Variants in NIPSNAP2 observed in about 807,000 individuals in gnomAD.
NIPSNAP2 encodes nipsnap homolog 2.
In NIPSNAP2, 42 loss-of-function variants were observed where a neutral mutation model predicts 48.4. That is an observed-to-expected ratio of 0.87 (90% CI 0.68 to 1.12). The LOEUF (loss-of-function observed/expected upper bound fraction) is 1.12, where lower values mean the gene tolerates loss of function less well. Among genes scored for constraint, NIPSNAP2 ranks in the 50% most tolerant of loss-of-function variants. The pLI is 0.00. For synonymous variants in NIPSNAP2, 158 were observed against 126.6 expected (o/e 1.25, Z -1.67); for missense variants, 314 against 347.3 (o/e 0.90, Z 0.76).
intron 7 of NIPSNAP2, among the ~76,000 whole-genome samples, chr7:55,990,041 G>A (rs151071291): frequency 2.7e-5 from 4 of 150,450 alleles, no homozygotes; most frequent in African/African-American, 9.7e-5. Context: ...AGCCAAAATG[G>A]CACTACTGCA....
chr7:55,970,324 T>G (rs1786994189), intron 1 of NIPSNAP2, among the ~76,000 whole-genome samples: 2 of 151,656 alleles, frequency 1.3e-5, no homozygotes, highest in Admixed American at 6.6e-5. Flanking sequence ...TTTTTTTTTT[T>G]TTGAAACGGA....
intron 1 of NIPSNAP2, among the ~76,000 whole-genome samples, chr7:55,973,307 A>C (rs1787048029): frequency 6.6e-6 from 1 of 151,930 alleles, no homozygotes; most frequent in South Asian, 2.1e-4. Context: ...ACTTAATACT[A>C]TATGTTTTTA....
At chr7:55,980,711 C>T (rs961064474) in intron 3 of NIPSNAP2, 6 of 152,152 alleles carry the variant, frequency 3.9e-5, no homozygotes, top group Non-Finnish European at 7.3e-5. Flanking sequence ...CATACACTGC[C>T]GTGACCTGTC....
intron 1 of NIPSNAP2, among the ~76,000 whole-genome samples, chr7:55,974,362 A>G (rs1054530513): frequency 2.0e-5 from 3 of 151,988 alleles, no homozygotes; most frequent in South Asian, 2.1e-4. Context: ...AGGAATTTCT[A>G]TTATTGTAGT....
chr7:55,972,450 G>C (rs1246293173), intron 1 of NIPSNAP2, among the ~76,000 whole-genome samples: 2 of 75,486 alleles, frequency 2.6e-5, no homozygotes, highest in Non-Finnish European at 5.3e-5. Context: ...TTTTTTTTTT[G>C]AGACAGAGTT....
chr7:55,969,960 G>T (rs989590711), intron 1 of NIPSNAP2, among the ~76,000 whole-genome samples: 1 of 149,176 alleles, frequency 6.7e-6, no homozygotes, highest in African/African-American at 2.5e-5. Context: ...TCCAGCCTGG[G>T]CGACGGAGCG....
chr7:55,979,875 A>G (rs1411971452), intron 3 of NIPSNAP2: 9 of 456,454 alleles, frequency 2.0e-5, no homozygotes, highest in Admixed American at 4.7e-5. Context: ...CTGCCTTACA[A>G]TCTCCATTCA....
chr7:55,997,977 A>G (rs144185440), intron 9 of NIPSNAP2, among the ~76,000 whole-genome samples: 1 of 152,198 alleles, frequency 6.6e-6, no homozygotes, highest in Non-Finnish European at 1.5e-5. Context: ...GGCTGAATGT[A>G]ACCCAGTGGC....
At chr7:55,991,803 A>G in intron 7 of NIPSNAP2, 1 of 250,582 alleles carries the variant, frequency 4.0e-6, no homozygotes, top group South Asian at 4.9e-5. Context: ...CCAGTTTAGC[A>G]TTCAATTTAT....
At chr7:55,981,758 A>G (rs1275901655) in intron 4 of NIPSNAP2, 191 bp downstream of exon 4, 1 of 529,022 alleles carries the variant, frequency 1.9e-6, no homozygotes, top group Non-Finnish European at 3.4e-6. Flanking sequence ...GTTTGAATCT[A>G]TTATTGAACC....
chr7:55,978,016 GC>G, intron 1 of NIPSNAP2, 109 bp from the exon 2 acceptor site: 1 of 1,223,288 alleles, frequency 8.2e-7, no homozygotes, highest in Non-Finnish European at 1.1e-6. Context: ...TTCTTTGGTA[GC>G]CCAGGTTCTG....
chr7:55,966,774 C>G (rs1462086780), intron 1 of NIPSNAP2, among the ~76,000 whole-genome samples: 1 of 151,994 alleles, frequency 6.6e-6, no homozygotes, highest in Non-Finnish European at 1.5e-5. Context: ...AGAGCCAGAC[C>G]CTGTCTCCAA....
rs894038837 is a variant in NIPSNAP2 at position 55,991,489 on chromosome 7, G to A, written c.618-3405G>A. On this transcript the variant is annotated intron_variant, in intron 7 of 9. Coordinates refer to ENST00000322090, the MANE Select transcript of NIPSNAP2 (RefSeq NM_001483.3). Reference sequence around the variant, plus strand: ...TGACCAGGCGCGGTGGCTCACACCTGTAATCCCAGCACATTGGAAGGCCAA... The same window carrying A: ...TGACCAGGCGCGGTGGCTCACACCTATAATCCCAGCACATTGGAAGGCCAA... 1.1e-4 allele frequency among the ~76,000 whole-genome samples: 16 copies of A among 151,570 alleles called. No individual in the cohort carries two copies. The East Asian group carries it at 3.1e-3, about 29-fold the overall frequency.
chr7:55,994,255 C>T (rs1008477356), intron 7 of NIPSNAP2, among the ~76,000 whole-genome samples: 7 of 152,186 alleles, frequency 4.6e-5, no homozygotes, highest in East Asian at 1.9e-4. Flanking sequence ...TTTAAATTGA[C>T]GGGTCCCATC....
chr7:55,977,423 TGAG>T (rs1397970270), intron 1 of NIPSNAP2, among the ~76,000 whole-genome samples: 1 of 152,136 alleles, frequency 6.6e-6, no homozygotes, highest in African/African-American at 2.4e-5. Context: ...TTAAGTTACT[TGAG>T]GGGTAAATTT....
intron 1 of NIPSNAP2, among the ~76,000 whole-genome samples, chr7:55,972,307 T>TC (rs901921897): frequency 8.5e-6 from 1 of 117,716 alleles, no homozygotes; most frequent in African/African-American, 2.9e-5. Context: ...AGACTCTGTC[T>TC]CAAAAAAAAA....
chr7:55,987,604 GCA>G (rs1787358347), intron 7 of NIPSNAP2, among the ~76,000 whole-genome samples: 1 of 152,192 alleles, frequency 6.6e-6, no homozygotes, highest in Non-Finnish European at 1.5e-5. Flanking sequence ...CTCCAGCCTG[GCA>G]ACAGAGCGAG....
Position 55,984,833 on chromosome 7 carries a change from A to G in NIPSNAP2, c.586-14A>G, listed in dbSNP as rs1787294782. On this transcript the variant is annotated splice_polypyrimidine_tract_variant and intron_variant, in intron 6 of 9. Transcript: ENST00000322090. ...ACAGAAGAACTAACAAACCAAATCT[A>G]AATCTGTTTTCAGCCAGGAACCATG... 2 of 1,606,384 alleles carry G rather than the reference A, an allele frequency of 1.2e-6. No homozygotes were observed. The highest frequency in any genetic ancestry group is 1.7e-6 in the Non-Finnish European group (2 of 1,176,240).
intron 7 of NIPSNAP2, among the ~76,000 whole-genome samples, chr7:55,993,144 C>A (rs1051230235): frequency 2.6e-5 from 4 of 151,732 alleles, no homozygotes; most frequent in Admixed American, 2.0e-4. Flanking sequence ...ACTAAAAATA[C>A]AAAAATTAGC....
Sources: gnomAD v4.1 joint callset for allele counts (sites outside exome capture counted in the v4.1 genomes callset) on GRCh38, gnomAD v4.1.1 for gene constraint, MANE v1.5 for transcripts, NCBI Gene and HGNC (gene_info 2026-07-23, HGNC 2026-07-21) for gene names.